Variants in ZNF714 observed in about 807,000 individuals in gnomAD.
The protein encoded by ZNF714 is zinc finger protein 714.
ZNF714 carries 32 observed loss-of-function variants against 46.2 expected under a neutral mutation model. That is an observed-to-expected ratio of 0.69 (90% CI 0.52 to 0.93). The LOEUF (loss-of-function observed/expected upper bound fraction) is 0.93. Among genes scored for constraint, ZNF714 ranks in the 40% least tolerant of loss-of-function variants. The pLI, the probability that ZNF714 is intolerant of heterozygous loss-of-function variation, is 0.00. For missense variants in ZNF714, 635 were observed against 646.3 expected (o/e 0.98, Z 0.19); for synonymous variants, 199 against 213.1 (o/e 0.93, Z 0.58).
chr19:21,118,246 G>A lies in ZNF714; in HGVS notation c.1582G>A (p.Val528Ile). 1 of 1,519,180 alleles carries A rather than the reference G, an allele frequency of 6.6e-7. No individual in the cohort carries two copies. Among genetic ancestry groups the A allele is most frequent in the South Asian group, 1.2e-5 (1 of 85,802 alleles). The allele number at this position is 1,519,180 out of a possible 1,614,324, so 94.1% of individuals were successfully genotyped here. A position where few individuals can be genotyped will look rare whatever the true frequency, so the allele number is the denominator to read the frequency against. ...GLGEQIARSG[V>I]QDQPGQHGKT... ...AGGTGAGCAGATCGCGAGGTCAGGAGTTCAAGACCAGCCTGGCCAACATGG... is the reference window on the plus strand; with the variant it reads ...AGGTGAGCAGATCGCGAGGTCAGGAATTCAAGACCAGCCTGGCCAACATGG... The change falls in exon 5 of 5, where the codon GTT (valine) becomes ATT (isoleucine). Residue 528 changes from valine to isoleucine, a missense_variant. Transcript: ENST00000456283.
At chr19:21,095,543 A>G (rs1397811874) in intron 2 of ZNF714, among the ~76,000 whole-genome samples, 1 of 151,842 alleles carries the variant, frequency 6.6e-6, no homozygotes, top group East Asian at 1.9e-4. Context: ...GCTCACTGCA[A>G]GCTCCGTGTC....
At chr19:21,093,914 G>A (rs1021730524) in intron 2 of ZNF714, among the ~76,000 whole-genome samples, 1 of 151,930 alleles carries the variant, frequency 6.6e-6, no homozygotes, top group Admixed American at 6.6e-5. Flanking sequence ...GATTACAAGT[G>A]TGAACCACCT....
At chr19:21,112,384 GTTTA>G (rs147410762) in intron 4 of ZNF714, among the ~76,000 whole-genome samples, 24,612 of 152,040 alleles carry the variant, frequency 0.16, 2,176 homozygotes, top group South Asian at 0.26. Context: ...GCACAGAGGT[GTTTA>G]TAGTGTTTTC....
intron 4 of ZNF714, among the ~76,000 whole-genome samples, chr19:21,110,850 T>G (rs1386686108): frequency 6.6e-6 from 1 of 152,090 alleles, no homozygotes; most frequent in Non-Finnish European, 1.5e-5. Context: ...GGAATCCTTT[T>G]CCCATTTCTT....
Position 21,082,338 on chromosome 19 carries a change from G to A in ZNF714, c.-187G>A, listed in dbSNP as rs771194864. The A allele has an allele frequency of 6.9e-7, 1 of 1,456,394 alleles. No homozygotes were observed. The highest frequency in any genetic ancestry group is 9.3e-7 in the Non-Finnish European group (1 of 1,077,008). 90.2% of individuals were successfully genotyped at this position (1,456,394 alleles called of 1,614,324 possible). A position where few individuals can be genotyped will look rare whatever the true frequency, so the allele number is the denominator to read the frequency against. On this transcript the variant is annotated 5_prime_UTR_variant, in exon 1 of 5. Coordinates refer to ENST00000456283, the MANE Select transcript of ZNF714 (RefSeq NM_182515.4). The stretch of plus-strand genomic sequence containing the variant: ...AGCTAAGACGCCAGGTACCCCGGAA[G>A]CCTAGAAATGGTGAGAGTGCCGGGT...
At chr19:21,116,752 G>A in intron 4 of ZNF714, 55 bp from the exon 5 acceptor site, 3 of 1,517,052 alleles carry the variant, frequency 2.0e-6, no homozygotes, top group Non-Finnish European at 2.6e-6. Flanking sequence ...GATTTGTAAA[G>A]TATGTTTATC....
At chr19:21,094,950 C>T (rs770589161) in intron 2 of ZNF714, among the ~76,000 whole-genome samples, 6 of 152,076 alleles carry the variant, frequency 3.9e-5, no homozygotes, top group Non-Finnish European at 8.8e-5. Context: ...ACATGTTTGT[C>T]TTCTTTTGAA....
chr19:21,124,939 CTT>C lies in ZNF714; in HGVS notation c.*6624_*6625del, dbSNP rs58610412. 106,513 of 134,362 alleles carry C rather than the reference CTT, an allele frequency of 0.79. 43,987 individuals carry two copies. Among genetic ancestry groups the C allele is most frequent in the Non-Finnish European group, 0.91 (57,973 of 63,956 alleles). 8.3% of individuals were successfully genotyped at this position (134,362 alleles called of 1,614,324 possible). A position where few individuals can be genotyped will look rare whatever the true frequency, so the allele number is the denominator to read the frequency against. On this transcript the variant is annotated 3_prime_UTR_variant, in exon 5 of 5. Coordinates refer to ENST00000456283, the MANE Select transcript of ZNF714 (RefSeq NM_182515.4). ...TAATTTAAAATAATATAATTTTTTT[CTT>C]TTTTTTTTTTTTTTTTAAGGCCAGG...
intron 2 of ZNF714, among the ~76,000 whole-genome samples, 158 bp from the exon 3 acceptor site, chr19:21,098,027 A>G (rs1969084568): frequency 6.6e-6 from 1 of 152,206 alleles, no homozygotes; most frequent in African/African-American, 2.4e-5. Context: ...GTAATACATT[A>G]GAGAATATTT....
intron 4 of ZNF714, among the ~76,000 whole-genome samples, chr19:21,099,876 G>A (rs1011030982): frequency 1.3e-5 from 2 of 152,252 alleles, no homozygotes; most frequent in Admixed American, 6.5e-5. Context: ...TTGTTGTTGA[G>A]ACAGAGTCTC....
intron 1 of ZNF714, 41 bp from the exon 2 acceptor site, chr19:21,083,937 T>G (rs923089861): frequency 1.0e-4 from 111 of 1,100,430 alleles, no homozygotes; most frequent in Non-Finnish European, 1.3e-4. Flanking sequence ...TCAGCTAAAG[T>G]GCCTAGTGAA....
intron 1 of ZNF714, among the ~76,000 whole-genome samples, chr19:21,083,535 G>A (rs887987441): frequency 6.6e-6 from 1 of 152,132 alleles, no homozygotes; most frequent in Non-Finnish European, 1.5e-5. Context: ...TAAATTTCCA[G>A]TTCCTCCTGG....
intron 4 of ZNF714, among the ~76,000 whole-genome samples, chr19:21,115,658 A>G (rs1476440216): frequency 6.6e-6 from 1 of 151,754 alleles, no homozygotes; most frequent in African/African-American, 2.4e-5. Context: ...ATGACATGCC[A>G]TTTTTATCTT....
At chr19:21,089,306 A>C (rs1347973200) in intron 2 of ZNF714, among the ~76,000 whole-genome samples, 1 of 152,196 alleles carries the variant, frequency 6.6e-6, no homozygotes, top group Non-Finnish European at 1.5e-5. Flanking sequence ...GCTTTTAATT[A>C]AGCTGACTTT....
chr19:21,106,340 C>CGGG (rs1969312740), intron 4 of ZNF714, among the ~76,000 whole-genome samples: 1 of 151,794 alleles, frequency 6.6e-6, no homozygotes, highest in African/African-American at 2.4e-5. Context: ...GAGGCCGAGG[C>CGGG]GGGCGGATCA....
Position 21,084,040 on chromosome 19 carries a change from A to T in ZNF714, c.-114A>T. On this transcript the variant is annotated 5_prime_UTR_variant, in exon 2 of 5. Transcript: ENST00000456283. ...CAAGTGGATCCCTGGGGCAGAGAGG[A>T]AGCTTCTAGTGTACTCTTACTTTGA... The T allele has an allele frequency of 8.1e-7, 1 of 1,228,502 alleles. No individual in the cohort carries two copies. The allele number at this position is 1,228,502 out of a possible 1,614,324, so 76.1% of individuals were successfully genotyped here. A position where few individuals can be genotyped will look rare whatever the true frequency, so the allele number is the denominator to read the frequency against.
intron 4 of ZNF714, among the ~76,000 whole-genome samples, chr19:21,116,104 A>C (rs1485632869): frequency 6.6e-6 from 1 of 151,976 alleles, no homozygotes; most frequent in African/African-American, 2.4e-5. Flanking sequence ...TTTATCTTGT[A>C]GCTTTCTCCT....
chr19:21,110,403 G>A (rs770422672), intron 4 of ZNF714, among the ~76,000 whole-genome samples: 18 of 151,980 alleles, frequency 1.2e-4, no homozygotes, highest in Admixed American at 6.6e-4. Context: ...CTTTTGAGGC[G>A]TGTTTCTTCT....
In ZNF714 at chr19:21,106,514, A is replaced by G. The variant is rs768624522; in HGVS notation, c.142+7604A>G. Among the ~76,000 whole-genome samples the G allele has an allele frequency of 6.6e-4, 98 of 149,014 alleles. 1 individual carries two copies. Among genetic ancestry groups the G allele is most frequent in the Middle Eastern group, 3.5e-3 (1 of 288 alleles). On this transcript the variant is annotated intron_variant, in intron 4 of 4. Transcript: ENST00000456283. ...AACCTGGGAGGCGGATGTTGTAGTGAGCCGAGATCGTGCCACTGCACTCCA... is the reference window on the plus strand; with the variant it reads ...AACCTGGGAGGCGGATGTTGTAGTGGGCCGAGATCGTGCCACTGCACTCCA...
Sources: gnomAD v4.1 joint callset for allele counts (sites outside exome capture counted in the v4.1 genomes callset) on GRCh38, gnomAD v4.1.1 for gene constraint, MANE v1.5 for transcripts, NCBI Gene and HGNC (gene_info 2026-07-23, HGNC 2026-07-21) for gene names.